PCDH15: variants seen among roughly 807,000 people sequenced by gnomAD.
PCDH15 encodes the protein protocadherin-15.
In PCDH15, 129 loss-of-function variants were observed where a neutral mutation model predicts 178.5. That is an observed-to-expected ratio of 0.72 (90% CI 0.63 to 0.84). The LOEUF (loss-of-function observed/expected upper bound fraction) is 0.84. Ranked by LOEUF, PCDH15 falls within the 40% of genes least tolerant of loss-of-function variation. PCDH15 has a pLI of 0.00. For synonymous variants in PCDH15, 800 were observed against 732.0 expected (o/e 1.09, Z -1.50); for missense variants, 2,230 against 2,099.9 (o/e 1.06, Z -1.21).
chr10:53,946,662 A>G (rs757455556), intron 23 of PCDH15, among the ~76,000 whole-genome samples: 66 of 152,374 alleles, frequency 4.3e-4, no homozygotes, highest in Non-Finnish European at 6.5e-4. Flanking sequence ...TAACTCCAAA[A>G]TGGTTTAAAG....
chr10:55,334,242 A>ATATATATATATATGTGTGTG (rs1291195941), intron 2 of PCDH15, among the ~76,000 whole-genome samples: 20 of 72,134 alleles, frequency 2.8e-4, no homozygotes, highest in African/African-American at 1.0e-3. Context: ...ATATATATAT[A>ATATATATATATATGTGTGTG]TGTGTGTGTG....
intron 2 of PCDH15, among the ~76,000 whole-genome samples, chr10:55,524,624 T>C (rs1380225199): frequency 2.0e-5 from 3 of 151,684 alleles, no homozygotes; most frequent in Non-Finnish European, 4.4e-5. Context: ...AATTTCATAC[T>C]GCTTTATCCA....
intron 15 of PCDH15, among the ~76,000 whole-genome samples, chr10:54,129,467 G>T (rs541886916): frequency 2.4e-4 from 37 of 152,276 alleles, no homozygotes; most frequent in African/African-American, 8.7e-4. Context: ...TAGAAACGAT[G>T]AAAAGCAGAA....
intron 2 of PCDH15, among the ~76,000 whole-genome samples, chr10:55,059,548 GATAA>G (rs2131997421): frequency 6.6e-6 from 1 of 152,246 alleles, no homozygotes; most frequent in Non-Finnish European, 1.5e-5. Flanking sequence ...ATGAACAATA[GATAA>G]ATAATTAAAA....
At chr10:55,353,488 AT>A (rs1260888348) in intron 2 of PCDH15, among the ~76,000 whole-genome samples, 2 of 152,014 alleles carry the variant, frequency 1.3e-5, no homozygotes, top group Non-Finnish European at 2.9e-5. Flanking sequence ...TTTGAGAGAA[AT>A]TTTACAGAAA....
At chr10:54,721,521 G>A (rs1566036330) in intron 1 of PCDH15, among the ~76,000 whole-genome samples, 1 of 151,860 alleles carries the variant, frequency 6.6e-6, no homozygotes, top group Admixed American at 6.6e-5. Context: ...GAAGTACAAT[G>A]AGAAGTGGTA....
At position 55,440,572 on chromosome 10, in the gene PCDH15, A is replaced by G. The variant is rs192977431; in HGVS notation, c.-156+187053T>C. 1.3e-3 allele frequency among the ~76,000 whole-genome samples: 199 copies of G among 152,296 alleles called. 2 individuals are homozygous for G. The highest frequency in any genetic ancestry group is 4.5e-3 in the African/African-American group (189 of 41,578). On this transcript the variant is annotated intron_variant, in intron 2 of 5. Coordinates refer to the PCDH15 transcript ENST00000613346. ...TTTGAAAAATATCTAAATTCAGAAA[A>G]GAAGTCAGAAATGTACACACACACC...
rs1844999207 is a variant in PCDH15, at chr10:55,353,585, CTTT to C, written c.-155-186937_-155-186935del. On this transcript the variant is annotated intron_variant, in intron 2 of 5. Transcript: ENST00000613346. ...AGTGTATACAGTATCTCTTTGTCAA[CTTT>C]AGATCTGCTTGGCCTCACATATTTA... is the stretch of plus-strand genomic sequence containing the variant. Among the ~76,000 whole-genome samples the C allele has an allele frequency of 2.0e-5, 3 of 152,180 alleles. No homozygotes were observed. The South Asian group carries it at 6.2e-4, about 32-fold the overall frequency.
intron 17 of PCDH15, among the ~76,000 whole-genome samples, chr10:54,068,538 G>A (rs11004035): frequency 0.24 from 36,102 of 151,954 alleles, 4,521 homozygotes; most frequent in African/African-American, 0.29. Flanking sequence ...GAGAATGTAC[G>A]AACTACTGCT....
At chr10:54,799,731 CA>C (rs570786737) in intron 1 of PCDH15, among the ~76,000 whole-genome samples, 5 of 152,072 alleles carry the variant, frequency 3.3e-5, no homozygotes, top group African/African-American at 4.8e-5. Context: ...AATGAGTCCA[CA>C]GTCAAGGGGA....
At chr10:54,831,059 A>G (rs186883426) in intron 3 of PCDH15, among the ~76,000 whole-genome samples, 22 of 152,230 alleles carry the variant, frequency 1.4e-4, no homozygotes, top group African/African-American at 5.3e-4. Context: ...TCTTGGAAGA[A>G]CTAGGTCATC....
At chr10:55,539,233 T>C (rs1371890613) in intron 2 of PCDH15, among the ~76,000 whole-genome samples, 1 of 152,100 alleles carries the variant, frequency 6.6e-6, no homozygotes, top group Non-Finnish European at 1.5e-5. Context: ...GTATTATTAT[T>C]TCTACCACTC....
chr10:53,828,988 A>C (rs1390343388), intron 30 of PCDH15, among the ~76,000 whole-genome samples: 2 of 152,202 alleles, frequency 1.3e-5, no homozygotes, highest in African/African-American at 4.8e-5. Flanking sequence ...TCTTGGCTTC[A>C]CTTTGAAGCT....
At chr10:54,539,549 C>T (rs1000535808) in intron 2 of PCDH15, among the ~76,000 whole-genome samples, 2 of 152,182 alleles carry the variant, frequency 1.3e-5, no homozygotes, top group Admixed American at 6.5e-5. Context: ...CAACACCCCA[C>T]TGACAACATT....
Position 53,905,250 on chromosome 10 carries a change from C to T in PCDH15, c.3374-1880G>A, listed in dbSNP as rs1036910372. 39 of 517,626 alleles carry T rather than the reference C, an allele frequency of 7.5e-5. No homozygotes were observed. In the Middle Eastern group the frequency reaches 9.5e-4, roughly 13 times the overall value. 32.1% of individuals were successfully genotyped at this position (517,626 alleles called of 1,614,324 possible). ...GTGTCTTTCTAATGTGTCCTGCATT[C>T]TGATATAACAAAGACATCACAAAAT... On this transcript the variant is annotated intron_variant, in intron 25 of 37. Transcript: ENST00000644397.
intron 2 of PCDH15, among the ~76,000 whole-genome samples, chr10:55,360,568 A>T (rs1845203539): frequency 6.6e-6 from 1 of 152,042 alleles, no homozygotes; most frequent in Non-Finnish European, 1.5e-5. Flanking sequence ...TGCAATTCAT[A>T]AAAGAGAATA....
In PCDH15 at chr10:54,742,829, A is replaced by G. The variant is rs144159750; in HGVS notation, c.-29+58096T>C. ...AAGAAGTCTTCGTCACAAAGAATAC[A>G]TTGCCCAGTAGGAAACCACTATGGA... On this transcript the variant is annotated intron_variant, in intron 1 of 37. Coordinates refer to ENST00000644397, the MANE Select transcript of PCDH15 (RefSeq NM_001384140.1). Among the ~76,000 whole-genome samples the G allele has an allele frequency of 1.5e-3, 228 of 152,180 alleles. 1 individual carries two copies. The East Asian group carries it at 0.021, about 14-fold the overall frequency.
At chr10:55,600,037 A>G (rs1300748305) in intron 2 of PCDH15, 14 of 1,152,720 alleles carry the variant, frequency 1.2e-5, no homozygotes, top group East Asian at 1.2e-4. Flanking sequence ...AAACAAGCCA[A>G]CAGGCCCCAA....
chr10:54,973,940 A>G (rs1031452595), intron 2 of PCDH15, among the ~76,000 whole-genome samples: 2 of 152,108 alleles, frequency 1.3e-5, no homozygotes, highest in African/African-American at 4.8e-5. Flanking sequence ...AGATAAGTAT[A>G]CTACTTGTGC....
Sources: allele counts gnomAD v4.1 joint callset (sites outside exome capture counted in the v4.1 genomes callset), GRCh38; gene constraint gnomAD v4.1.1; transcripts MANE v1.5; gene names NCBI Gene and HGNC (gene_info 2026-07-23, HGNC 2026-07-21).